The following SBF2 variants were observed in gnomAD, a reference collection of about 807,000 sequenced individuals.
SBF2 encodes SET binding factor 2.
In SBF2, 112 loss-of-function variants were observed where a neutral mutation model predicts 225.2. The observed-to-expected ratio is 0.50, with a 90% CI of 0.43 to 0.58. SBF2 has a LOEUF of 0.58. Ranked by LOEUF, SBF2 falls within the 20% of genes least tolerant of loss-of-function variation. The pLI is 0.00. For synonymous variants in SBF2, 763 were observed against 773.3 expected (o/e 0.99, Z 0.22); for missense variants, 1,996 against 2,206.2 (o/e 0.90, Z 1.91).
chr11:9,912,872 G>A (rs911694442), intron 16 of SBF2, among the ~76,000 whole-genome samples: 4 of 152,160 alleles, frequency 2.6e-5, no homozygotes, highest in Non-Finnish European at 4.4e-5. Flanking sequence ...TTGCATACAA[G>A]AAGACATTTG....
rs1856250118 is a variant in SBF2, at chr11:9,842,717, A to G, written c.3164T>C (p.Ile1055Thr). 2 of 1,614,088 alleles carry G rather than the reference A, an allele frequency of 1.2e-6. No homozygotes were observed. Among genetic ancestry groups the G allele is most frequent in the African/African-American group, 1.3e-5 (1 of 75,024 alleles). The change falls in exon 25 of 40, where the codon ATT (isoleucine) becomes ACT (threonine). Residue 1055 changes from isoleucine (I) to threonine (T), a missense_variant. Coordinates refer to ENST00000256190, the MANE Select transcript of SBF2 (RefSeq NM_030962.4). ...CTTCTTCAGTAAATATTGCCGCCCA[A>G]TTGTCATTTTCCCTGCCCTTTTGGC... Reference protein sequence around the residue: ...KGAKRAGKMTIGRQYLLKKKT... With the variant: ...KGAKRAGKMTTGRQYLLKKKT...
rs762667880 is a variant in SBF2, at chr11:9,842,767, G to A, written c.3114C>T (p.Thr1038=). ...CACCTTTCACAATTGTTTTTGAGAAGGTACTACAAGTCATAAAACCAAAGA... is the reference window on the plus strand; with the variant it reads ...CACCTTTCACAATTGTTTTTGAGAAAGTACTACAAGTCATAAAACCAAAGA... ...KQKEKNTSFR[T]FSKTIVKGAK... The change falls in exon 25 of 40, where the codon ACC becomes ACT. Residue 1038 remains threonine, a synonymous_variant. Transcript: ENST00000256190. The A allele has an allele frequency of 5.0e-6, 8 of 1,613,950 alleles. No individual in the cohort carries two copies. The highest frequency in any genetic ancestry group is 1.7e-4 in the Middle Eastern group (1 of 6,060).
In SBF2 at chr11:9,822,323, C is replaced by T. The variant is rs1211395215; in HGVS notation, c.3794-5299G>A. Among the ~76,000 whole-genome samples, 13 of 148,340 alleles carry T rather than the reference C, an allele frequency of 8.8e-5. No homozygotes were observed. In the South Asian group the frequency reaches 2.1e-3, roughly 24 times the overall value. On this transcript the variant is annotated intron_variant, in intron 28 of 39. Transcript: ENST00000256190. ...TCACCCAGGCTGGAGTGCAGTGGCG[C>T]GATCCTGGCTCACTGCAAGCTCCGC...
chr11:10,268,253 T>G (rs1005027761), intron 1 of SBF2, among the ~76,000 whole-genome samples: 1 of 151,690 alleles, frequency 6.6e-6, no homozygotes, highest in South Asian at 2.1e-4. Flanking sequence ...ACTATACAGA[T>G]TTTTTTTTCC....
intron 26 of SBF2, among the ~76,000 whole-genome samples, chr11:9,834,237 C>T (rs1482682951): frequency 2.6e-5 from 4 of 151,884 alleles, no homozygotes; most frequent in African/African-American, 9.7e-5. Context: ...GGATTACAGA[C>T]ATGTGCCACC....
intron 33 of SBF2, among the ~76,000 whole-genome samples, chr11:9,795,374 G>A (rs1185539110): frequency 1.3e-5 from 2 of 152,104 alleles, no homozygotes; most frequent in African/African-American, 4.8e-5. Flanking sequence ...TTAAAGATGA[G>A]GAAACTGAGG....
At chr11:10,073,832 A>C (rs1331361079) in intron 2 of SBF2, among the ~76,000 whole-genome samples, 1 of 152,236 alleles carries the variant, frequency 6.6e-6, no homozygotes, top group Non-Finnish European at 1.5e-5. Flanking sequence ...GTAAATGAGC[A>C]ATATACACAC....
At chr11:9,877,808 TG>T (rs1366007246) in intron 17 of SBF2, among the ~76,000 whole-genome samples, 2 of 152,206 alleles carry the variant, frequency 1.3e-5, no homozygotes, top group African/African-American at 4.8e-5. Context: ...GATGGACATT[TG>T]GGTTGGTTTC....
chr11:10,178,152 G>T lies in SBF2; in HGVS notation c.141+15750C>A, dbSNP rs1158580009. ...ACTGGCTAGCCATATGTAGAAAGCT[G>T]AAACTGGATCCCTTCCTTACACCTT... On this transcript the variant is annotated intron_variant, in intron 2 of 39. Coordinates refer to ENST00000256190, the MANE Select transcript of SBF2 (RefSeq NM_030962.4). 7.1e-4 allele frequency among the ~76,000 whole-genome samples: 105 copies of T among 147,312 alleles called. 1 individual carries two copies. The highest frequency in any genetic ancestry group is 1.1e-3 in the Non-Finnish European group (75 of 66,890).
intron 16 of SBF2, among the ~76,000 whole-genome samples, chr11:9,930,796 G>A (rs1001918760): frequency 1.3e-5 from 2 of 152,214 alleles, no homozygotes; most frequent in African/African-American, 4.8e-5. Context: ...AGCGTGGGGT[G>A]TCACCTCACC....
At position 9,780,017 on chromosome 11, in the gene SBF2, T is replaced by G; in HGVS notation, c.*401A>C. ...AATATGAGACAATCTTGGAGGGTTT[T>G]GATTTTTGCTTGTTAAACAGGTCTC... On this transcript the variant is annotated 3_prime_UTR_variant, in exon 40 of 40. Transcript: ENST00000256190. 3.5e-6 allele frequency: 1 copy of G among 285,064 alleles called. No homozygotes were observed. Among genetic ancestry groups the G allele is most frequent in the Non-Finnish European group, 6.9e-6 (1 of 144,224 alleles). The allele number at this position is 285,064 out of a possible 1,614,324, so 17.7% of individuals were successfully genotyped here.
intron 17 of SBF2, among the ~76,000 whole-genome samples, chr11:9,875,330 G>C (rs981122175): frequency 3.9e-5 from 6 of 152,128 alleles, no homozygotes; most frequent in Admixed American, 1.3e-4. Context: ...AAGCTCCAGA[G>C]GATCATTTCT....
intron 28 of SBF2, among the ~76,000 whole-genome samples, chr11:9,824,561 C>CA (rs112827651): frequency 0.015 from 905 of 61,134 alleles, 10 homozygotes; most frequent in African/African-American, 0.033. Context: ...GACTCCATCT[C>CA]AAAAAAAAAA....
Position 10,157,848 on chromosome 11 carries a change from C to G in SBF2, c.141+36054G>C, listed in dbSNP as rs948249251. ...ACTGCTCTGGAACAAATGGACCTAA[C>G]AGACCTATACAGAACATTCCACCCA... On this transcript the variant is annotated intron_variant, in intron 2 of 39. Coordinates refer to ENST00000256190, the MANE Select transcript of SBF2 (RefSeq NM_030962.4). Among the ~76,000 whole-genome samples, 63 of 152,172 alleles carry G rather than the reference C, an allele frequency of 4.1e-4. 1 individual carries two copies. Among genetic ancestry groups the G allele is most frequent in the Non-Finnish European group, 1.0e-4 (7 of 68,032 alleles).
intron 1 of SBF2, among the ~76,000 whole-genome samples, chr11:10,220,082 T>C (rs549288521): frequency 1.3e-5 from 2 of 152,276 alleles, no homozygotes; most frequent in African/African-American, 4.8e-5. Context: ...GACTGCGTAA[T>C]TTAAAAAGGA....
chr11:10,245,675 T>A (rs145024656), intron 1 of SBF2, among the ~76,000 whole-genome samples: 1 of 152,032 alleles, frequency 6.6e-6, no homozygotes, highest in Non-Finnish European at 1.5e-5. Context: ...AATCAAGATA[T>A]CAAAAAGATA....
rs539693971 is a variant in SBF2 at position 10,086,243 on chromosome 11, A to G, written c.142-43262T>C. On this transcript the variant is annotated intron_variant, in intron 2 of 39. Coordinates refer to ENST00000256190, the MANE Select transcript of SBF2 (RefSeq NM_030962.4). ...CCTTTTTTATCTTTTCATATGTTTT[A>G]TATGTCCTGGCCATGTTTTTGGTGT... Among the ~76,000 whole-genome samples, 4 of 150,844 alleles carry G rather than the reference A, an allele frequency of 2.7e-5. No individual in the cohort carries two copies. The East Asian group carries it at 7.8e-4, about 29-fold the overall frequency.
rs554209907 is a variant in SBF2 at position 10,083,968 on chromosome 11, C to T, written c.142-40987G>A. 3.3e-5 allele frequency among the ~76,000 whole-genome samples: 5 copies of T among 152,252 alleles called. No homozygotes were observed. The East Asian group carries it at 9.6e-4, about 29-fold the overall frequency. Reference sequence around the variant, plus strand: ...TAGCCCAGGCAACACAGGGAGACCACATCTCTATAAAACATACACAAATAA... The same window carrying T: ...TAGCCCAGGCAACACAGGGAGACCATATCTCTATAAAACATACACAAATAA... On this transcript the variant is annotated intron_variant, in intron 2 of 39. Transcript: ENST00000256190.
At chr11:10,224,126 C>T (rs907492260) in intron 1 of SBF2, among the ~76,000 whole-genome samples, 3 of 152,006 alleles carry the variant, frequency 2.0e-5, no homozygotes, top group African/African-American at 7.2e-5. Flanking sequence ...ATTCATGCAA[C>T]ACCTTTTTCT....
Sources: gnomAD v4.1 joint callset for allele counts (sites outside exome capture counted in the v4.1 genomes callset) on GRCh38, gnomAD v4.1.1 for gene constraint, MANE v1.5 for transcripts, NCBI Gene and HGNC (gene_info 2026-07-23, HGNC 2026-07-21) for gene names.